The following RSU1 variants were observed in gnomAD, a reference collection of about 807,000 sequenced individuals.
RSU1 encodes the protein Ras suppressor protein 1, also known as rsu-1.
Under a neutral mutation model 31.1 loss-of-function variants are expected in RSU1, and 26 were observed. The observed-to-expected ratio is 0.84, with a 90% CI of 0.61 to 1.16. The LOEUF (loss-of-function observed/expected upper bound fraction) is 1.16, where lower values mean the gene tolerates loss of function less well. Among genes scored for constraint, RSU1 ranks in the 50% most tolerant of loss-of-function variants. The pLI is 0.00. For synonymous variants in RSU1, 164 were observed against 136.3 expected, an observed-to-expected ratio of 1.20 and a Z score of -1.41; for missense variants, 320 against 339.1, an observed-to-expected ratio of 0.94 and a Z score of 0.44.
Position 16,652,392 on chromosome 10 carries a change from C to CAAAAAAAAAAAAAAAAA in RSU1, c.731+42614_731+42630dup, listed in dbSNP as rs71505091. Among the ~76,000 whole-genome samples the CAAAAAAAAAAAAAAAAA allele has an allele frequency of 2.2e-5, 2 of 89,158 alleles. 1 individual carries two copies. Among genetic ancestry groups the CAAAAAAAAAAAAAAAAA allele is most frequent in the Non-Finnish European group, 4.4e-5 (2 of 45,300 alleles). 58.5% of individuals were successfully genotyped at this position (89,158 alleles called of 152,430 possible). On this transcript the variant is annotated intron_variant, in intron 8 of 8. Transcript: ENST00000345264. ...AAGAGATGATTCACCTGCCCCAAAG[C>CAAAAAAAAAAAAAAAAA]AAAAAAAAAAAAAAAAAAAACCCGA...
intron 8 of RSU1, among the ~76,000 whole-genome samples, chr10:16,681,727 A>T (rs1445594998): frequency 6.6e-6 from 1 of 152,148 alleles, no homozygotes; most frequent in Non-Finnish European, 1.5e-5. Flanking sequence ...TGCCATGAGA[A>T]AACTGACACT....
intron 2 of RSU1, among the ~76,000 whole-genome samples, chr10:16,799,900 G>A (rs1838115092): frequency 6.6e-6 from 1 of 152,166 alleles, no homozygotes; most frequent in Non-Finnish European, 1.5e-5. Context: ...AGTGGCACAG[G>A]CTCACTAGAG....
intron 2 of RSU1, among the ~76,000 whole-genome samples, chr10:16,816,771 G>A (rs1023364909): frequency 2.6e-5 from 4 of 152,152 alleles, no homozygotes; most frequent in African/African-American, 7.2e-5. Flanking sequence ...GATTCTCATC[G>A]TGGACTCTCA....
chr10:16,752,244 C>G (rs1428389635), intron 7 of RSU1, among the ~76,000 whole-genome samples: 1 of 152,214 alleles, frequency 6.6e-6, no homozygotes, highest in African/African-American at 2.4e-5. Context: ...GGATAAGGCT[C>G]TTACTACTAA....
intron 2 of RSU1, among the ~76,000 whole-genome samples, chr10:16,804,916 T>C (rs770814926): frequency 2.0e-5 from 3 of 152,198 alleles, no homozygotes; most frequent in Non-Finnish European, 2.9e-5. Context: ...ATACATTACA[T>C]TAATTTGCCA....
intron 3 of RSU1, among the ~76,000 whole-genome samples, chr10:16,767,595 A>G (rs1837339641): frequency 6.6e-6 from 1 of 152,180 alleles, no homozygotes; most frequent in Non-Finnish European, 1.5e-5. Flanking sequence ...CTCCCTCAAT[A>G]TACGGAATTT....
At chr10:16,601,598 G>C (rs144903805) in intron 8 of RSU1, among the ~76,000 whole-genome samples, 37 of 152,268 alleles carry the variant, frequency 2.4e-4, no homozygotes, top group African/African-American at 8.4e-4. Flanking sequence ...CCTTCCCAGT[G>C]TGTCCTACAC....
intron 7 of RSU1, among the ~76,000 whole-genome samples, chr10:16,740,634 A>C (rs1429323421): frequency 6.6e-6 from 1 of 152,214 alleles, no homozygotes; most frequent in African/African-American, 2.4e-5. Flanking sequence ...TAAAATATAA[A>C]ATCAATACAG....
intron 7 of RSU1, among the ~76,000 whole-genome samples, chr10:16,747,359 A>G (rs1159432801): frequency 1.3e-5 from 2 of 152,132 alleles, no homozygotes; most frequent in African/African-American, 2.4e-5. Flanking sequence ...CGCCTTCTCA[A>G]TGAGACACCC....
chr10:16,800,953 A>T (rs1401428678), intron 2 of RSU1, among the ~76,000 whole-genome samples: 1 of 130,690 alleles, frequency 7.7e-6, no homozygotes, highest in Non-Finnish European at 1.5e-5. Context: ...GCAGAAAAAG[A>T]GCAGAAGACA....
intron 8 of RSU1, among the ~76,000 whole-genome samples, chr10:16,678,642 G>C (rs944284330): frequency 6.6e-6 from 1 of 152,090 alleles, no homozygotes; most frequent in Admixed American, 6.6e-5. Flanking sequence ...CTTCCTACTG[G>C]GGAGTATTTT....
chr10:16,788,330 A>C (rs1041454963), intron 2 of RSU1, among the ~76,000 whole-genome samples: 1 of 152,134 alleles, frequency 6.6e-6, no homozygotes, highest in African/African-American at 2.4e-5. Context: ...TTCCCCAAAA[A>C]ATTCATATAC....
chr10:16,736,558 T>TA (rs1564338377), intron 7 of RSU1, among the ~76,000 whole-genome samples: 3 of 151,152 alleles, frequency 2.0e-5, no homozygotes, highest in African/African-American at 7.3e-5. Flanking sequence ...CAACAGACCA[T>TA]AAAAAAAGAC....
chr10:16,699,170 G>A (rs898850079), intron 7 of RSU1, among the ~76,000 whole-genome samples: 1 of 149,126 alleles, frequency 6.7e-6, no homozygotes, highest in Non-Finnish European at 1.5e-5. Context: ...GAGCGAAACA[G>A]AGCAATGTCT....
intron 7 of RSU1, among the ~76,000 whole-genome samples, chr10:16,718,823 A>G (rs1836196613): frequency 6.6e-6 from 1 of 152,068 alleles, no homozygotes; most frequent in Non-Finnish European, 1.5e-5. Context: ...TCTACTAAAA[A>G]TACAATAATT....
chr10:16,716,461 G>C (rs1197141051), intron 7 of RSU1, among the ~76,000 whole-genome samples: 1 of 152,128 alleles, frequency 6.6e-6, no homozygotes, highest in African/African-American at 2.4e-5. Context: ...ATTTCTGCAA[G>C]TTTGAAAATG....
chr10:16,812,018 A>G (rs1838419557), intron 2 of RSU1, among the ~76,000 whole-genome samples: 1 of 152,230 alleles, frequency 6.6e-6, no homozygotes, highest in Non-Finnish European at 1.5e-5. Context: ...TCTTTCAACA[A>G]GCACTAACTG....
intron 4 of RSU1, among the ~76,000 whole-genome samples, chr10:16,759,553 G>A (rs75085526): frequency 0.066 from 9,972 of 151,898 alleles, 360 homozygotes; most frequent in East Asian, 0.096. Context: ...ATCCAACAAG[G>A]GACTTAATAA....
chr10:16,691,666 C>G (rs1006621632), intron 8 of RSU1, among the ~76,000 whole-genome samples: 1 of 150,952 alleles, frequency 6.6e-6, no homozygotes, highest in Non-Finnish European at 1.5e-5. Flanking sequence ...ATGGAACCAG[C>G]TGGTCCCCGT....
Sources: gnomAD v4.1 joint callset for allele counts (sites outside exome capture counted in the v4.1 genomes callset) on GRCh38, gnomAD v4.1.1 for gene constraint, MANE v1.5 for transcripts, NCBI Gene and HGNC (gene_info 2026-07-23, HGNC 2026-07-21) for gene names.